The following CSTPP1 variants were observed in gnomAD, a reference collection of about 807,000 sequenced individuals.
The protein encoded by CSTPP1 is centriolar satellite-associated tubulin polyglutamylase complex regulator 1.
At chr11:47,008,675 G>A in the CSTPP1 span, among the ~76,000 whole-genome samples, 2 of 151,996 alleles carry the variant, frequency 1.3e-5, no homozygotes, top group Non-Finnish European at 2.9e-5. Context: ...AAGAGTCACA[G>A]GTACTGTTAA....
the CSTPP1 span, among the ~76,000 whole-genome samples, chr11:46,969,167 C>T: frequency 6.6e-6 from 1 of 152,286 alleles, no homozygotes; most frequent in East Asian, 1.9e-4. Flanking sequence ...TTCTACCTGG[C>T]TCACTTTGCT....
chr11:47,037,854 C>T, the CSTPP1 span, among the ~76,000 whole-genome samples: 1 of 128,006 alleles, frequency 7.8e-6, no homozygotes, highest in Non-Finnish European at 1.9e-5. Flanking sequence ...CTTTCTATTC[C>T]ACAAAACCGC....
the CSTPP1 span, among the ~76,000 whole-genome samples, chr11:46,961,794 A>G: frequency 6.6e-6 from 1 of 152,212 alleles, no homozygotes; most frequent in Non-Finnish European, 1.5e-5. Flanking sequence ...CAGTTGTCCC[A>G]GCACCATTTA....
the CSTPP1 span, among the ~76,000 whole-genome samples, chr11:47,090,853 C>A: frequency 6.6e-6 from 1 of 151,360 alleles, no homozygotes; most frequent in Non-Finnish European, 1.5e-5. Flanking sequence ...TCCTGGCTAA[C>A]ACGGTGAAAC....
the CSTPP1 span, among the ~76,000 whole-genome samples, chr11:46,950,483 C>T: frequency 6.6e-6 from 1 of 151,600 alleles, no homozygotes; most frequent in African/African-American, 2.4e-5. Flanking sequence ...TAAAGACTTT[C>T]TTTTAAATTC....
At chr11:47,152,536 G>A in the CSTPP1 span, among the ~76,000 whole-genome samples, 6 of 150,362 alleles carry the variant, frequency 4.0e-5, no homozygotes, top group South Asian at 2.1e-4. Context: ...CGAGGCAGGG[G>A]TAGCCCTTTG....
the CSTPP1 span, among the ~76,000 whole-genome samples, chr11:47,074,050 T>C: frequency 6.6e-6 from 1 of 152,070 alleles, no homozygotes; most frequent in Non-Finnish European, 1.5e-5. Flanking sequence ...ATTAAAAAAA[T>C]CAAATTAGCC....
the CSTPP1 span, chr11:47,155,141 C>G: frequency 6.5e-7 from 1 of 1,546,464 alleles, no homozygotes. Context: ...ACCTCTCCCC[C>G]ATTCTCTCTC....
At chr11:46,982,020 C>A in the CSTPP1 span, among the ~76,000 whole-genome samples, 1 of 151,942 alleles carries the variant, frequency 6.6e-6, no homozygotes. Flanking sequence ...ATTTGTACCT[C>A]ACAAGATCAA....
the CSTPP1 span, among the ~76,000 whole-genome samples, chr11:47,087,631 G>A: frequency 2.0e-5 from 3 of 152,046 alleles, no homozygotes; most frequent in South Asian, 4.2e-4. Flanking sequence ...CCAGGGAGTC[G>A]GAGGTTGCAG....
chr11:47,145,073 C>T, the CSTPP1 span, among the ~76,000 whole-genome samples: 2 of 148,204 alleles, frequency 1.3e-5, no homozygotes, highest in African/African-American at 4.9e-5. Context: ...CTGCAACCTC[C>T]GCCTCCCAGG....
chr11:47,021,110 ATTG>A, the CSTPP1 span, among the ~76,000 whole-genome samples: 24 of 152,328 alleles, frequency 1.6e-4, no homozygotes, highest in African/African-American at 5.1e-4. Context: ...TATTGCGGTC[ATTG>A]TTGTGGTTGT....
the CSTPP1 span, among the ~76,000 whole-genome samples, chr11:46,980,085 CAAAA>C: frequency 1.3e-5 from 2 of 151,804 alleles, no homozygotes; most frequent in Non-Finnish European, 2.9e-5. Flanking sequence ...AACAAAAAAA[CAAAA>C]AAACCCACCA....
At chr11:46,986,370 C>T in the CSTPP1 span, among the ~76,000 whole-genome samples, 1 of 151,242 alleles carries the variant, frequency 6.6e-6, no homozygotes, top group South Asian at 2.1e-4. Context: ...AAGTTAATAA[C>T]TTATATATAC....
At chr11:47,059,306 G>GT in the CSTPP1 span, among the ~76,000 whole-genome samples, 6 of 151,800 alleles carry the variant, frequency 4.0e-5, no homozygotes, top group Non-Finnish European at 5.9e-5. Flanking sequence ...CATCTATCCC[G>GT]TTTTTTTTAG....
chr11:47,047,895 C>A, the CSTPP1 span, among the ~76,000 whole-genome samples: 1 of 152,192 alleles, frequency 6.6e-6, no homozygotes, highest in African/African-American at 2.4e-5. Context: ...ATGGCCAACA[C>A]ATGAAAAGAT....
At chr11:46,995,272 C>T in the CSTPP1 span, among the ~76,000 whole-genome samples, 8 of 151,700 alleles carry the variant, frequency 5.3e-5, no homozygotes, top group East Asian at 1.3e-3. Context: ...GTGTCTCTAT[C>T]TCCTTCAGTT....
the CSTPP1 span, among the ~76,000 whole-genome samples, chr11:46,988,846 C>A: frequency 1.6e-4 from 25 of 152,174 alleles, no homozygotes; most frequent in African/African-American, 6.0e-4. Flanking sequence ...ATATATACAC[C>A]TACTATGTAC....
chr11:47,155,602 C>A, the CSTPP1 span: 5 of 324,734 alleles, frequency 1.5e-5, no homozygotes, highest in Non-Finnish European at 2.9e-5. Flanking sequence ...CCAGGCACAG[C>A]ACTGACTTTA....
Sources: gnomAD v4.1 joint callset for allele counts (sites outside exome capture counted in the v4.1 genomes callset) on GRCh38, gnomAD v4.1.1 for gene constraint, MANE v1.5 for transcripts, NCBI Gene and HGNC (gene_info 2026-07-23, HGNC 2026-07-21) for gene names.